Variants in SLC25A13 observed in about 807,000 individuals in gnomAD.
SLC25A13 encodes solute carrier family 25 member 13, also known as electrogenic aspartate/glutamate antiporter SLC25A13, mitochondrial.
A neutral mutation model predicts 85.5 loss-of-function variants in SLC25A13; 70 were observed. The ratio of observed to expected loss-of-function variants is 0.82; its 90% CI spans 0.68 to 1.00. SLC25A13 has a LOEUF of 1.00. Among genes scored for constraint, SLC25A13 ranks in the 50% least tolerant of loss-of-function variants. SLC25A13 has a pLI of 0.00. For missense variants in SLC25A13, 765 were observed against 819.8 expected, an observed-to-expected ratio of 0.93 and a Z score of 0.82; for synonymous variants, 259 against 288.7, an observed-to-expected ratio of 0.90 and a Z score of 1.04.
At chr7:96,299,033 T>C (rs1377371849) in intron 1 of SLC25A13, among the ~76,000 whole-genome samples, 2 of 152,192 alleles carry the variant, frequency 1.3e-5, no homozygotes, top group East Asian at 3.9e-4. Context: ...CAAAAGCATA[T>C]GGTACCCTAA....
chr7:96,210,543 C>G (rs1795651488), intron 4 of SLC25A13, among the ~76,000 whole-genome samples: 1 of 152,126 alleles, frequency 6.6e-6, no homozygotes, highest in South Asian at 2.1e-4. Context: ...TCACCATGTG[C>G]CAAGTATTGT....
rs545074974 is a variant in SLC25A13, at chr7:96,243,026, G to A, written c.213-8109C>T. Among the ~76,000 whole-genome samples, 8 of 152,184 alleles carry A rather than the reference G, an allele frequency of 5.3e-5. No homozygotes were observed. The South Asian group carries it at 1.2e-3, about 24-fold the overall frequency. On this transcript the variant is annotated intron_variant, in intron 3 of 17. Coordinates refer to ENST00000265631, the MANE Select transcript of SLC25A13 (RefSeq NM_014251.3). ...GTTGCCCAGGCTGGAGTGCAATGGC[G>A]TGATCTCGGCTCACTGCAACCTCTG...
At chr7:96,157,616 T>A (rs4729238) in intron 13 of SLC25A13, among the ~76,000 whole-genome samples, 4 of 152,022 alleles carry the variant, frequency 2.6e-5, no homozygotes, top group African/African-American at 7.2e-5. Flanking sequence ...CCAGCCTGGC[T>A]GACACGGCAA....
chr7:96,267,484 G>C (rs79823293), intron 3 of SLC25A13, among the ~76,000 whole-genome samples: 16 of 152,040 alleles, frequency 1.1e-4, no homozygotes, highest in Non-Finnish European at 2.4e-4. Flanking sequence ...AACAGGAACT[G>C]TCCCAGGACT....
intron 13 of SLC25A13, among the ~76,000 whole-genome samples, chr7:96,148,435 C>T (rs1792892353): frequency 6.6e-6 from 1 of 152,154 alleles, no homozygotes; most frequent in Non-Finnish European, 1.5e-5. Context: ...CCTACATTTC[C>T]CATGTGATAT....
chr7:96,201,106 A>C (rs375635828), intron 5 of SLC25A13, among the ~76,000 whole-genome samples: 2 of 152,182 alleles, frequency 1.3e-5, no homozygotes, highest in South Asian at 4.1e-4. Context: ...GCTGTTTATG[A>C]AACAATACCA....
intron 13 of SLC25A13, among the ~76,000 whole-genome samples, chr7:96,157,470 T>A (rs1350895120): frequency 1.3e-5 from 2 of 152,160 alleles, no homozygotes; most frequent in Non-Finnish European, 2.9e-5. Context: ...CACTTCTGGT[T>A]TGGCACAGGG....
chr7:96,306,631 CTGAT>C (rs1799754396), intron 1 of SLC25A13, among the ~76,000 whole-genome samples: 1 of 152,206 alleles, frequency 6.6e-6, no homozygotes, highest in South Asian at 2.1e-4. Flanking sequence ...AGGATGGAGA[CTGAT>C]TGCCTTTTGA....
chr7:96,128,755 A>T (rs1184477910), intron 15 of SLC25A13, among the ~76,000 whole-genome samples: 1 of 38,482 alleles, frequency 2.6e-5, no homozygotes, highest in Non-Finnish European at 5.2e-5. Flanking sequence ...CTTAAAGTAT[A>T]ATAATAATAA....
intron 14 of SLC25A13, among the ~76,000 whole-genome samples, chr7:96,135,320 C>A (rs985402356): frequency 3.3e-5 from 5 of 152,140 alleles, no homozygotes; most frequent in Non-Finnish European, 5.9e-5. Flanking sequence ...GGCGGCCCTT[C>A]ACCTCTCTTG....
chr7:96,182,436 C>A (rs1296757168), intron 11 of SLC25A13, among the ~76,000 whole-genome samples: 1 of 152,234 alleles, frequency 6.6e-6, no homozygotes, highest in Non-Finnish European at 1.5e-5. Context: ...AAGGTTGGGG[C>A]ACCCAAAGAT....
intron 13 of SLC25A13, among the ~76,000 whole-genome samples, chr7:96,146,905 T>G (rs532370270): frequency 2.0e-4 from 30 of 152,318 alleles, no homozygotes; most frequent in Admixed American, 2.6e-4. Context: ...GTCCTTAATG[T>G]GGAGGCTGAA....
intron 3 of SLC25A13, among the ~76,000 whole-genome samples, chr7:96,249,665 A>G (rs1308882611): frequency 6.6e-6 from 1 of 152,166 alleles, no homozygotes; most frequent in Non-Finnish European, 1.5e-5. Context: ...GCTTTTTTAA[A>G]ACGCAGGCCA....
At position 96,121,973 on chromosome 7, in the gene SLC25A13, G is replaced by A. The variant is rs746205031; in HGVS notation, c.1616C>T (p.Thr539Ile). 3.1e-6 allele frequency: 5 copies of A among 1,614,104 alleles called. No homozygotes were observed. The highest frequency in any genetic ancestry group is 2.5e-6 in the Non-Finnish European group (3 of 1,180,022). The change falls in exon 16 of 18, where the codon ACC (threonine) becomes ATC (isoleucine). Residue 539 changes from threonine to isoleucine, a missense_variant. Coordinates refer to ENST00000265631, the MANE Select transcript of SLC25A13 (RefSeq NM_014251.3). ...IAGMPAASLVTPADVIKTRLQ... is the reference protein window; with the variant it reads ...IAGMPAASLVIPADVIKTRLQ... ...TCTCGTCTTGATAACATCAGCAGGGGTCACTAAAGATGCTGCAGGCATACC... is the reference window on the plus strand; with the variant it reads ...TCTCGTCTTGATAACATCAGCAGGGATCACTAAAGATGCTGCAGGCATACC...
chr7:96,265,348 C>G (rs1473500045), intron 3 of SLC25A13, among the ~76,000 whole-genome samples: 1 of 152,132 alleles, frequency 6.6e-6, no homozygotes, highest in Non-Finnish European at 1.5e-5. Flanking sequence ...TTAACATCAC[C>G]ACCAATGACA....
At position 96,184,260 on chromosome 7, in the gene SLC25A13, G is replaced by GGGT; in HGVS notation, c.1177+16_1177+17insACC. ...AGTGTTATTTCACCTAACAGGTATT[G>GGGT]AGCATGTGGCACTAACCTCTATACA... On this transcript the variant is annotated intron_variant, in intron 11 of 17. Coordinates refer to ENST00000265631, the MANE Select transcript of SLC25A13 (RefSeq NM_014251.3). 1 of 1,613,926 alleles carries GGGT rather than the reference G, an allele frequency of 6.2e-7. No homozygotes were observed.
rs1229340447 is a variant in SLC25A13, at chr7:96,151,646, A to T, written c.1312-4950T>A. ...TCTTCATAATATTATAAGGTAAGTAATAAGATAAATAATAGGTCGGGTGCA... is the reference window on the plus strand; with the variant it reads ...TCTTCATAATATTATAAGGTAAGTATTAAGATAAATAATAGGTCGGGTGCA... On this transcript the variant is annotated intron_variant, in intron 13 of 17. Transcript: ENST00000265631. 1.0e-4 allele frequency among the ~76,000 whole-genome samples: 15 copies of T among 150,412 alleles called. No individual in the cohort carries two copies. In the East Asian group the frequency reaches 3.0e-3, roughly 30 times the overall value.
intron 10 of SLC25A13, chr7:96,184,694 T>C (rs1794556731): frequency 1.6e-6 from 1 of 627,698 alleles, no homozygotes; most frequent in Admixed American, 2.9e-5. Flanking sequence ...GTAACCTGTC[T>C]TTGGAAGGCC....
chr7:96,178,393 G>A (rs529043439), intron 11 of SLC25A13, among the ~76,000 whole-genome samples: 17 of 152,278 alleles, frequency 1.1e-4, no homozygotes, highest in African/African-American at 3.6e-4. Context: ...ACAGGGGCCA[G>A]CCCAAACCAG....
Sources: allele counts gnomAD v4.1 joint callset (sites outside exome capture counted in the v4.1 genomes callset), GRCh38; gene constraint gnomAD v4.1.1; transcripts MANE v1.5; gene names NCBI Gene and HGNC (gene_info 2026-07-23, HGNC 2026-07-21).